Variants in DIAPH3 observed in about 807,000 individuals in gnomAD.
The protein encoded by DIAPH3 is diaphanous related formin 3, also known as protein diaphanous homolog 3.
Under a neutral mutation model 144.3 loss-of-function variants are expected in DIAPH3, and 117 were observed. The ratio of observed to expected loss-of-function variants is 0.81; its 90% CI spans 0.70 to 0.95. The LOEUF (loss-of-function observed/expected upper bound fraction) is 0.95. Ranked by LOEUF, DIAPH3 falls within the 40% of genes least tolerant of loss-of-function variation. DIAPH3 has a pLI of 0.00. For synonymous variants in DIAPH3, 519 were observed against 488.9 expected (o/e 1.06, Z -0.81); for missense variants, 1,421 against 1,412.7 (o/e 1.01, Z -0.09).
At chr13:59,799,598 A>T (rs1482592000) in intron 25 of DIAPH3, among the ~76,000 whole-genome samples, 1 of 152,236 alleles carries the variant, frequency 6.6e-6, no homozygotes, top group East Asian at 1.9e-4. Flanking sequence ...GACATATGTC[A>T]TATCTTGTCC....
intron 4 of DIAPH3, among the ~76,000 whole-genome samples, chr13:60,069,265 G>T (rs2057104056): frequency 6.6e-6 from 1 of 152,126 alleles, no homozygotes; most frequent in Non-Finnish European, 1.5e-5. Context: ...TATGCTTGTT[G>T]ATTATTTGTA....
chr13:59,814,754 C>T (rs559624223), intron 24 of DIAPH3, among the ~76,000 whole-genome samples: 2 of 152,080 alleles, frequency 1.3e-5, no homozygotes, highest in African/African-American at 2.4e-5. Flanking sequence ...GCAAATAAAC[C>T]GCACTGCCTC....
rs1594307290 is a variant in DIAPH3 at position 60,006,288 on chromosome 13, C to A, written c.1014+2256G>T. ...GATCATGTCATTTACCAGGACAAAA[C>A]AGGGCTTTGTCTTTAACAAGCCATT... On this transcript the variant is annotated intron_variant, in intron 9 of 27. Coordinates refer to ENST00000400324, the MANE Select transcript of DIAPH3 (RefSeq NM_001042517.2). 2.6e-5 allele frequency among the ~76,000 whole-genome samples: 4 copies of A among 152,238 alleles called. No individual in the cohort carries two copies. In the South Asian group the frequency reaches 8.3e-4, roughly 32 times the overall value.
At chr13:59,721,876 C>G (rs1039420304) in intron 27 of DIAPH3, among the ~76,000 whole-genome samples, 5 of 152,268 alleles carry the variant, frequency 3.3e-5, no homozygotes, top group Admixed American at 1.3e-4. Context: ...CAAAACTAAT[C>G]AAGGCAGATA....
chr13:60,144,550 G>A (rs1375328762), intron 1 of DIAPH3: 1 of 152,202 alleles, frequency 6.6e-6, no homozygotes, highest in African/African-American at 2.4e-5. Context: ...ACACAAGGCA[G>A]AATATAAACC....
chr13:59,734,151 A>C lies in DIAPH3; in HGVS notation c.3319+40038T>G, dbSNP rs554776354. Among the ~76,000 whole-genome samples, 656 of 152,332 alleles carry C rather than the reference A, an allele frequency of 4.3e-3. 3 individuals are homozygous for C. The highest frequency in any genetic ancestry group is 7.1e-3 in the Non-Finnish European group (481 of 68,034). ...ATTCTTCAAACTGAGGAGTTAGGTCATATATAAAAGGTAGATATTTGGTTC... is the reference window on the plus strand; with the variant it reads ...ATTCTTCAAACTGAGGAGTTAGGTCCTATATAAAAGGTAGATATTTGGTTC... On this transcript the variant is annotated intron_variant, in intron 27 of 27. Transcript: ENST00000400324.
intron 25 of DIAPH3, among the ~76,000 whole-genome samples, chr13:59,796,704 G>T (rs1367812453): frequency 2.0e-5 from 3 of 151,966 alleles, no homozygotes; most frequent in African/African-American, 7.3e-5. Context: ...TTCTAAACAG[G>T]TAATTTTAAA....
At chr13:59,760,606 A>T (rs147865693) in intron 27 of DIAPH3, among the ~76,000 whole-genome samples, 1 of 152,320 alleles carries the variant, frequency 6.6e-6, no homozygotes, top group East Asian at 1.9e-4. Context: ...TGTTATTTGC[A>T]TATCATATTA....
intron 3 of DIAPH3, among the ~76,000 whole-genome samples, chr13:60,102,440 C>T (rs2058297586): frequency 6.6e-6 from 1 of 151,474 alleles, no homozygotes; most frequent in South Asian, 2.1e-4. Flanking sequence ...TAAATATTTG[C>T]TAAATAAAGA....
chr13:60,031,804 C>T (rs2054822931), intron 5 of DIAPH3, among the ~76,000 whole-genome samples: 1 of 118,864 alleles, frequency 8.4e-6, no homozygotes, highest in African/African-American at 3.3e-5. Context: ...AGTGCAGTGG[C>T]ACGATCTTGG....
chr13:59,862,409 G>A (rs2043649381), intron 21 of DIAPH3, among the ~76,000 whole-genome samples: 1 of 152,072 alleles, frequency 6.6e-6, no homozygotes, highest in Non-Finnish European at 1.5e-5. Flanking sequence ...AAAAGATTAG[G>A]GCAAGAGTAC....
intron 9 of DIAPH3, among the ~76,000 whole-genome samples, chr13:60,005,348 G>C (rs1253050663): frequency 6.6e-6 from 1 of 152,248 alleles, no homozygotes; most frequent in Non-Finnish European, 1.5e-5. Context: ...TCTCAGGCTA[G>C]AGAGAATCAA....
chr13:59,736,642 G>A (rs1436334378), intron 27 of DIAPH3, among the ~76,000 whole-genome samples: 1 of 152,076 alleles, frequency 6.6e-6, no homozygotes, highest in Non-Finnish European at 1.5e-5. Context: ...ATTCTTCACA[G>A]AACTAGAAAC....
At chr13:59,749,122 G>A (rs940743971) in intron 27 of DIAPH3, among the ~76,000 whole-genome samples, 3 of 146,534 alleles carry the variant, frequency 2.0e-5, no homozygotes, top group African/African-American at 7.6e-5. Flanking sequence ...GCTGAGGCAG[G>A]AGAATCGCTT....
At position 59,697,491 on chromosome 13, in the gene DIAPH3, A is replaced by AAAAAAAAAG. The variant is rs1555274392; in HGVS notation, c.3320-30646_3320-30645insCTTTTTTTT. On this transcript the variant is annotated intron_variant, in intron 27 of 27. Transcript: ENST00000400324. The stretch of plus-strand genomic sequence containing the variant: ...AAAAAAAAAAAAAAAAAAAAAAAAA[A>AAAAAAAAAG]AAGAAGAGGGGATTCAACTCATATA... Among the ~76,000 whole-genome samples the AAAAAAAAAG allele has an allele frequency of 7.6e-4, 59 of 78,024 alleles. 1 individual carries two copies. Among genetic ancestry groups the AAAAAAAAAG allele is most frequent in the East Asian group, 3.1e-3 (6 of 1,928 alleles). 51.2% of individuals were successfully genotyped at this position (78,024 alleles called of 152,430 possible).
At position 59,734,561 on chromosome 13, in the gene DIAPH3, G is replaced by GCCAC. The variant is rs2036043998; in HGVS notation, c.3319+39624_3319+39627dup. Reference sequence around the variant, plus strand: ...GGCTGAGTTGCTACAATCCGCTTTGGCCACTAAAGCTCAAGTCATTCGGAG... The same window carrying GCCAC: ...GGCTGAGTTGCTACAATCCGCTTTGGCCACCCACTAAAGCTCAAGTCATTCGGAG... On this transcript the variant is annotated intron_variant, in intron 27 of 27. Coordinates refer to ENST00000400324, the MANE Select transcript of DIAPH3 (RefSeq NM_001042517.2). Among the ~76,000 whole-genome samples the GCCAC allele has an allele frequency of 1.3e-5, 2 of 151,954 alleles. 1 individual carries two copies. Among genetic ancestry groups the GCCAC allele is most frequent in the South Asian group, 4.2e-4 (2 of 4,808 alleles).
chr13:60,098,246 G>A (rs1215281142), intron 3 of DIAPH3, among the ~76,000 whole-genome samples: 1 of 152,110 alleles, frequency 6.6e-6, no homozygotes, highest in Non-Finnish European at 1.5e-5. Flanking sequence ...AAGTAAAGGA[G>A]GTAAGACAAA....
chr13:59,861,646 A>G (rs1252892213), intron 21 of DIAPH3, 110 bp from the exon 22 acceptor site: 1 of 1,214,942 alleles, frequency 8.2e-7, no homozygotes, highest in East Asian at 2.5e-5. Flanking sequence ...AAAGTTGTAA[A>G]ATTAGTTGAT....
Position 59,688,585 on chromosome 13 carries a change from G to A in DIAPH3, c.3320-21739C>T, listed in dbSNP as rs181380398. Among the ~76,000 whole-genome samples, 86 of 151,960 alleles carry A rather than the reference G, an allele frequency of 5.7e-4. No individual in the cohort carries two copies. The East Asian group carries it at 0.015, about 26-fold the overall frequency. ...GAAAGGGACCAGGGACAAAAGAGGA[G>A]CTTATGTTGACTCATTTTTAGTGTC... On this transcript the variant is annotated intron_variant, in intron 27 of 27. Transcript: ENST00000400324.
Sources: gnomAD v4.1 joint callset for allele counts (sites outside exome capture counted in the v4.1 genomes callset) on GRCh38, gnomAD v4.1.1 for gene constraint, MANE v1.5 for transcripts, NCBI Gene and HGNC (gene_info 2026-07-23, HGNC 2026-07-21) for gene names.